The following PLPP3 variants were observed in gnomAD, a reference collection of about 807,000 sequenced individuals.
PLPP3 encodes phospholipid phosphatase 3.
In PLPP3, 6 loss-of-function variants were observed where a neutral mutation model predicts 29.6. That is an observed-to-expected ratio of 0.20 (90% CI 0.11 to 0.40). The LOEUF is 0.40. Among genes scored for constraint, PLPP3 ranks in the 10% least tolerant of loss-of-function variants. PLPP3 has a pLI of 1.00. For synonymous variants in PLPP3, 152 were observed against 159.7 expected, an observed-to-expected ratio of 0.95 and a Z score of 0.36; for missense variants, 308 against 407.7, an observed-to-expected ratio of 0.76 and a Z score of 2.11.
At chr1:56,531,802 C>T (rs1645890405) in intron 2 of PLPP3, among the ~76,000 whole-genome samples, 1 of 152,150 alleles carries the variant, frequency 6.6e-6, no homozygotes, top group Non-Finnish European at 1.5e-5. Flanking sequence ...CAGTGTCCTC[C>T]CTCATTTGTC....
chr1:56,518,183 C>T (rs1046385704), intron 4 of PLPP3, among the ~76,000 whole-genome samples: 1 of 152,118 alleles, frequency 6.6e-6, no homozygotes, highest in African/African-American at 2.4e-5. Context: ...TACAGATTCC[C>T]CTTGGAAACA....
chr1:56,538,641 A>G, intron 1 of PLPP3: 1 of 320,642 alleles, frequency 3.1e-6, no homozygotes, highest in Non-Finnish European at 5.9e-6. Flanking sequence ...AAACTGGAAG[A>G]GTCTGCAGTG....
At chr1:56,523,064 T>C (rs964099179) in intron 4 of PLPP3, among the ~76,000 whole-genome samples, 5 of 152,182 alleles carry the variant, frequency 3.3e-5, no homozygotes, top group Admixed American at 2.0e-4. Flanking sequence ...CTACTACTGG[T>C]TGAAGGAACT....
intron 2 of PLPP3, among the ~76,000 whole-genome samples, chr1:56,533,135 A>G (rs561428699): frequency 6.6e-6 from 1 of 151,870 alleles, no homozygotes; most frequent in East Asian, 1.9e-4. Flanking sequence ...GCTCACTGCA[A>G]TATCCACCCC....
intron 1 of PLPP3, among the ~76,000 whole-genome samples, chr1:56,537,804 T>C (rs888545958): frequency 6.6e-6 from 1 of 152,188 alleles, no homozygotes; most frequent in Non-Finnish European, 1.5e-5. Context: ...GAGCTGAGCT[T>C]GGCCCTGCTG....
chr1:56,518,580 T>C (rs530979439), intron 4 of PLPP3, among the ~76,000 whole-genome samples: 6 of 152,236 alleles, frequency 3.9e-5, no homozygotes, highest in African/African-American at 1.4e-4. Context: ...CTGAAATTCA[T>C]TCATTCATTC....
intron 1 of PLPP3, among the ~76,000 whole-genome samples, chr1:56,543,743 G>A (rs965326410): frequency 5.9e-5 from 9 of 152,306 alleles, no homozygotes; most frequent in African/African-American, 1.2e-4. Context: ...AACACTTGCT[G>A]TTGGCTGGTG....
In PLPP3 at chr1:56,555,451, A is replaced by AAC. The variant is rs1481764546; in HGVS notation, c.140-18340_140-18339insGT. Among the ~76,000 whole-genome samples the AAC allele has an allele frequency of 1.0e-3, 149 of 142,254 alleles. 1 individual carries two copies. The highest frequency in any genetic ancestry group is 1.8e-3 in the Non-Finnish European group (116 of 65,858). The allele number at this position is 142,254 out of a possible 152,430, so 93.3% of individuals were successfully genotyped here. ...CAAACACTAAAAAAAAAAAAAAAAA[A>AAC]AAAAAAAAACAAAAAACAAACAAAC... On this transcript the variant is annotated intron_variant, in intron 1 of 5. Transcript: ENST00000371250.
At chr1:56,555,139 C>T (rs562194276) in intron 1 of PLPP3, among the ~76,000 whole-genome samples, 18 of 152,056 alleles carry the variant, frequency 1.2e-4, no homozygotes, top group South Asian at 2.1e-4. Flanking sequence ...TGCACAACTC[C>T]GAGGAACACC....
rs902370529 is a variant in PLPP3, at chr1:56,524,072, A to AGAAT, written c.576-196_576-193dup. Among the ~76,000 whole-genome samples the AGAAT allele has an allele frequency of 7.2e-5, 11 of 152,228 alleles. No individual in the cohort carries two copies. The highest frequency in any genetic ancestry group is 2.7e-4 in the African/African-American group (11 of 41,458). On this transcript the variant is annotated intron_variant, in intron 3 of 5. Transcript: ENST00000371250. This position sits in a 1 kb window ranked among gnomAD's most constrained non-coding sequence, Gnocchi z 4.3. ...ACCTATGAATTCATGAATAAACAAAAGAATGAATGAATGAATGTACCTACC... is the reference window on the plus strand; with the variant it reads ...ACCTATGAATTCATGAATAAACAAAAGAATGAATGAATGAATGAATGTACCTACC...
chr1:56,520,873 T>G (rs1187988035), intron 4 of PLPP3, among the ~76,000 whole-genome samples: 1 of 125,798 alleles, frequency 7.9e-6, no homozygotes, highest in Non-Finnish European at 1.6e-5. Flanking sequence ...ATTGCACCAC[T>G]GCACTCCAGC....
intron 1 of PLPP3, among the ~76,000 whole-genome samples, chr1:56,542,011 C>T (rs531760857): frequency 6.6e-6 from 1 of 150,872 alleles, no homozygotes; most frequent in South Asian, 2.1e-4. Flanking sequence ...GACCGAGACC[C>T]AGACCCAAGC....
intron 1 of PLPP3, among the ~76,000 whole-genome samples, chr1:56,552,029 A>T (rs1646042783): frequency 6.6e-6 from 1 of 152,154 alleles, no homozygotes; most frequent in Admixed American, 6.5e-5. Flanking sequence ...ATCTGACACA[A>T]GGTATTACTG....
intron 4 of PLPP3, among the ~76,000 whole-genome samples, chr1:56,518,204 T>A (rs1645795406): frequency 6.6e-6 from 1 of 152,130 alleles, no homozygotes; most frequent in Admixed American, 6.5e-5. Context: ...ACAATCTTGC[T>A]CCCCAAAGGA....
At position 56,524,189 on chromosome 1, in the gene PLPP3, C is replaced by T. The variant is rs1645837486; in HGVS notation, c.575+88G>A. 1 of 1,505,578 alleles carries T rather than the reference C, an allele frequency of 6.6e-7. No individual in the cohort carries two copies. The allele number at this position is 1,505,578 out of a possible 1,614,324, so 93.3% of individuals were successfully genotyped here. A position where few individuals can be genotyped will look rare whatever the true frequency, so the allele number is the denominator to read the frequency against. ...TAGGAACTATGCCTTATTCACCCAT[C>T]TAAACCAGGGCCCAGCTAGTAAGTG... On this transcript the variant is annotated intron_variant, in intron 3 of 5. Transcript: ENST00000371250. This position sits in a 1 kb window ranked among gnomAD's most constrained non-coding sequence, Gnocchi z 4.3.
chr1:56,535,187 G>A (rs1645916645), intron 2 of PLPP3, among the ~76,000 whole-genome samples: 1 of 152,138 alleles, frequency 6.6e-6, no homozygotes. Flanking sequence ...TATTTCCGGA[G>A]GCACCATAAG....
chr1:56,559,665 A>G (rs1646108136), intron 1 of PLPP3, among the ~76,000 whole-genome samples: 1 of 152,124 alleles, frequency 6.6e-6, no homozygotes, highest in Admixed American at 6.5e-5. Context: ...CTGTTTTGCA[A>G]AATAACCAAA....
At chr1:56,502,463 C>T (rs1442120689) in intron 5 of PLPP3, among the ~76,000 whole-genome samples, 1 of 152,152 alleles carries the variant, frequency 6.6e-6, no homozygotes, top group Non-Finnish European at 1.5e-5. Flanking sequence ...TTCCTGGGCC[C>T]ATCTAAGACC....
chr1:56,509,832 CAA>C (rs59418227), intron 5 of PLPP3, among the ~76,000 whole-genome samples: 103 of 86,152 alleles, frequency 1.2e-3, no homozygotes, highest in African/African-American at 1.4e-3. Flanking sequence ...GCGAGACTCT[CAA>C]AAAAAAAAAA....
Sources: gnomAD v4.1 joint callset for allele counts (sites outside exome capture counted in the v4.1 genomes callset) on GRCh38, gnomAD v4.1.1 for gene constraint, Gnocchi (gnomAD v3.1) non-coding constraint, MANE v1.5 for transcripts, NCBI Gene and HGNC (gene_info 2026-07-23, HGNC 2026-07-21) for gene names.